Variants in ANO10 observed in about 807,000 individuals in gnomAD.
The protein encoded by ANO10 is anoctamin-10.
Under a neutral mutation model 74.7 loss-of-function variants are expected in ANO10, and 77 were observed. The ratio of observed to expected loss-of-function variants is 1.03; its 90% CI spans 0.86 to 1.25. ANO10 has a LOEUF of 1.25. ANO10 is among the 50% of genes most tolerant of loss of function. The pLI, the probability that ANO10 is intolerant of heterozygous loss-of-function variation, is 0.00. For missense variants in ANO10, 721 were observed against 778.1 expected (o/e 0.93, Z 0.87); for synonymous variants, 279 against 284.9 (o/e 0.98, Z 0.21).
At chr3:43,512,272 G>T (rs1285543733) in intron 11 of ANO10, among the ~76,000 whole-genome samples, 2 of 152,194 alleles carry the variant, frequency 1.3e-5, no homozygotes, top group Admixed American at 6.5e-5. Context: ...GAAAAGCAAG[G>T]TAACATGAGA....
upstream of ANO10, among the ~76,000 whole-genome samples, chr3:43,626,232 C>T (rs1186084752): frequency 6.6e-6 from 1 of 151,926 alleles, no homozygotes; most frequent in Non-Finnish European, 1.5e-5. Context: ...CCATGCCTGG[C>T]CCAATTACTT....
At chr3:43,598,070 C>T (rs564158383) in intron 4 of ANO10, among the ~76,000 whole-genome samples, 1 of 152,304 alleles carries the variant, frequency 6.6e-6, no homozygotes, top group South Asian at 2.1e-4. Flanking sequence ...TTGTAGTAAA[C>T]TTTCATTCTG....
At chr3:43,436,415 C>T (rs1465046829) in intron 11 of ANO10, among the ~76,000 whole-genome samples, 1 of 152,060 alleles carries the variant, frequency 6.6e-6, no homozygotes, top group Non-Finnish European at 1.5e-5. Context: ...TCTTCATCAA[C>T]AATCTTCTTT....
chr3:43,640,795 A>T (rs1033588751), intron 1 of ANO10, among the ~76,000 whole-genome samples: 2 of 152,214 alleles, frequency 1.3e-5, no homozygotes, highest in African/African-American at 4.8e-5. Flanking sequence ...TTTCAATAAG[A>T]TTTCATGCTT....
chr3:43,428,056 C>CT (rs879844893), intron 12 of ANO10, among the ~76,000 whole-genome samples: 315 of 145,738 alleles, frequency 2.2e-3, no homozygotes, highest in African/African-American at 4.1e-3. Flanking sequence ...TACCCTGAAC[C>CT]TTTTTTTTTT....
intron 1 of ANO10, among the ~76,000 whole-genome samples, chr3:43,617,311 G>C (rs1277965826): frequency 6.6e-6 from 1 of 151,868 alleles, no homozygotes; most frequent in Admixed American, 6.6e-5. Context: ...GCACCAGAGG[G>C]TAGAATGATT....
intron 12 of ANO10, among the ~76,000 whole-genome samples, chr3:43,367,838 A>G (rs1439720835): frequency 6.6e-6 from 1 of 152,144 alleles, no homozygotes; most frequent in Admixed American, 6.5e-5. Context: ...CAGATTTTTG[A>G]TAACAGTGAT....
chr3:43,457,047 C>T (rs148892318), intron 11 of ANO10, among the ~76,000 whole-genome samples: 109 of 152,132 alleles, frequency 7.2e-4, no homozygotes, highest in African/African-American at 2.2e-3. Context: ...TAACAGAAAC[C>T]AGAATAAAAA....
chr3:43,416,802 G>A (rs1326412761), intron 12 of ANO10, among the ~76,000 whole-genome samples: 1 of 152,144 alleles, frequency 6.6e-6, no homozygotes, highest in Non-Finnish European at 1.5e-5. Flanking sequence ...ATCCAACCAA[G>A]TTTAGAGATT....
intron 11 of ANO10, among the ~76,000 whole-genome samples, chr3:43,469,779 C>T (rs1264001679): frequency 2.0e-5 from 3 of 152,184 alleles, no homozygotes; most frequent in African/African-American, 7.2e-5. Flanking sequence ...TAGAGGTTCA[C>T]ATATGTCTGT....
intron 11 of ANO10, among the ~76,000 whole-genome samples, chr3:43,532,533 A>G (rs2078517378): frequency 6.6e-6 from 1 of 152,214 alleles, no homozygotes; most frequent in Admixed American, 6.5e-5. Context: ...TTATTTGCAG[A>G]GATACATAAA....
chr3:43,453,001 G>A (rs943043888), intron 11 of ANO10, among the ~76,000 whole-genome samples: 3 of 151,960 alleles, frequency 2.0e-5, no homozygotes, highest in South Asian at 2.1e-4. Flanking sequence ...ATGTCTATTC[G>A]GATCCTTTGC....
chr3:43,495,762 G>A (rs562688380), intron 11 of ANO10, among the ~76,000 whole-genome samples: 4 of 151,980 alleles, frequency 2.6e-5, no homozygotes, highest in East Asian at 3.9e-4. Context: ...GAGCAGTGGC[G>A]CAATCTCGGC....
At chr3:43,431,236 C>T (rs2092976106) in intron 12 of ANO10, among the ~76,000 whole-genome samples, 1 of 151,846 alleles carries the variant, frequency 6.6e-6, no homozygotes, top group African/African-American at 2.4e-5. Context: ...CCATGCCTGG[C>T]TAATTTTTGT....
intron 11 of ANO10, among the ~76,000 whole-genome samples, chr3:43,479,472 A>G (rs2076188926): frequency 6.6e-6 from 1 of 152,238 alleles, no homozygotes; most frequent in Admixed American, 6.5e-5. Flanking sequence ...CAACAATAAA[A>G]AAGAACCAGA....
chr3:43,397,038 T>A (rs1575660879), intron 12 of ANO10, among the ~76,000 whole-genome samples: 1 of 151,644 alleles, frequency 6.6e-6, no homozygotes, highest in Non-Finnish European at 1.5e-5. Context: ...CAAGAGATTC[T>A]CCTGCCTCAG....
At chr3:43,649,734 G>T (rs2083767150) in intron 1 of ANO10, among the ~76,000 whole-genome samples, 1 of 152,182 alleles carries the variant, frequency 6.6e-6, no homozygotes, top group Admixed American at 6.5e-5. Context: ...CTAAGCCGAG[G>T]TCCCGTGACC....
intron 12 of ANO10, among the ~76,000 whole-genome samples, chr3:43,404,378 C>T (rs2092537531): frequency 6.6e-6 from 1 of 152,150 alleles, no homozygotes; most frequent in African/African-American, 2.4e-5. Context: ...CACTAACATC[C>T]TCAGAGAGCT....
At chr3:43,560,814 A>T (rs567269878) in intron 9 of ANO10, among the ~76,000 whole-genome samples, 1 of 152,326 alleles carries the variant, frequency 6.6e-6, no homozygotes, top group South Asian at 2.1e-4. Context: ...TTGGCATTCC[A>T]TTGTTCATCA....
Sources: allele counts gnomAD v4.1 joint callset (sites outside exome capture counted in the v4.1 genomes callset), GRCh38; gene constraint gnomAD v4.1.1; transcripts MANE v1.5; gene names NCBI Gene and HGNC (gene_info 2026-07-23, HGNC 2026-07-21).